Variants in TENM3 observed in about 807,000 individuals in gnomAD.
The protein encoded by TENM3 is teneurin-3.
In TENM3, 63 loss-of-function variants were observed where a neutral mutation model predicts 255.1. The observed-to-expected ratio is 0.25, with a 90% CI of 0.20 to 0.30. The LOEUF (loss-of-function observed/expected upper bound fraction) is 0.30. TENM3 is among the 10% of genes least tolerant of loss of function. TENM3 has a pLI of 1.00. For synonymous variants in TENM3, 1,306 were observed against 1,322.3 expected, an observed-to-expected ratio of 0.99 and a Z score of 0.27; for missense variants, 2,929 against 3,461.1, an observed-to-expected ratio of 0.85 and a Z score of 3.86.
At chr4:182,207,540 C>T (rs892404623) in intron 1 of TENM3, among the ~76,000 whole-genome samples, 5 of 152,142 alleles carry the variant, frequency 3.3e-5, no homozygotes, top group Admixed American at 6.6e-5. Context: ...AGCTGATGCT[C>T]CCCCTGCTTT....
chr4:181,720,813 G>T, the TENM3 span, among the ~76,000 whole-genome samples: 1 of 152,146 alleles, frequency 6.6e-6, no homozygotes, highest in East Asian at 1.9e-4. Context: ...GAAAAAAAAT[G>T]AGGTCGGACC....
At chr4:182,376,127 A>T (rs901895523) in intron 3 of TENM3, among the ~76,000 whole-genome samples, 1 of 152,182 alleles carries the variant, frequency 6.6e-6, no homozygotes, top group Non-Finnish European at 1.5e-5. Context: ...TTATACACAT[A>T]ATTTATGTTA....
chr4:182,509,738 G>A (rs1258341653), intron 3 of TENM3, among the ~76,000 whole-genome samples: 1 of 152,092 alleles, frequency 6.6e-6, no homozygotes, highest in East Asian at 1.9e-4. Context: ...GGGAGTTCAA[G>A]ACCAGCCTGA....
At chr4:181,972,617 C>T in the TENM3 span, among the ~76,000 whole-genome samples, 18 of 152,198 alleles carry the variant, frequency 1.2e-4, no homozygotes, top group East Asian at 3.1e-3. Flanking sequence ...CCTAAAAATT[C>T]TCCAAGTCAC....
chr4:181,836,338 C>T, the TENM3 span, among the ~76,000 whole-genome samples: 1 of 152,160 alleles, frequency 6.6e-6, no homozygotes, highest in African/African-American at 2.4e-5. Context: ...CATATACAGA[C>T]ACCACTCTCC....
the TENM3 span, among the ~76,000 whole-genome samples, chr4:181,532,000 G>C: frequency 4.6e-5 from 7 of 152,316 alleles, no homozygotes; most frequent in South Asian, 2.1e-4. Flanking sequence ...GTGGGAGTTG[G>C]CTAGCTGATT....
chr4:182,211,591 A>G (rs115261359), intron 1 of TENM3, among the ~76,000 whole-genome samples: 113 of 152,312 alleles, frequency 7.4e-4, no homozygotes, highest in Non-Finnish European at 1.4e-3. Context: ...AATCAAATCT[A>G]TCACCACCTA....
rs144639704 is a variant in TENM3, at chr4:182,425,932, C to T, written c.511+79003C>T. Among the ~76,000 whole-genome samples the T allele has an allele frequency of 5.7e-3, 829 of 145,048 alleles. 13 individuals are homozygous for T. The highest frequency in any genetic ancestry group is 0.02 in the African/African-American group (790 of 39,044). On this transcript the variant is annotated intron_variant, in intron 3 of 27. Transcript: ENST00000511685. ...CTGAGGCAGGAGAATCACTTGAACC[C>T]GGGAAGTGGAGGTTGCAGTGAGCTG...
chr4:182,228,142 A>G (rs1463811480), intron 1 of TENM3, among the ~76,000 whole-genome samples: 1 of 151,704 alleles, frequency 6.6e-6, no homozygotes, highest in Admixed American at 6.6e-5. Flanking sequence ...TAGGATGAAC[A>G]CTCTTGAGAT....
the TENM3 span, among the ~76,000 whole-genome samples, chr4:181,844,131 C>T: frequency 8.5e-5 from 13 of 152,078 alleles, no homozygotes; most frequent in Non-Finnish European, 1.2e-4. Context: ...TTGGAGCCCA[C>T]TGCCATGGTA....
the TENM3 span, among the ~76,000 whole-genome samples, chr4:181,831,056 T>A: frequency 6.6e-6 from 1 of 152,162 alleles, no homozygotes; most frequent in African/African-American, 2.4e-5. Context: ...CCCAAAAAAC[T>A]GGTTTTTCAT....
At chr4:181,751,289 G>A in the TENM3 span, among the ~76,000 whole-genome samples, 1 of 151,846 alleles carries the variant, frequency 6.6e-6, no homozygotes, top group Admixed American at 6.6e-5. Flanking sequence ...GAAGAGTCCA[G>A]TCTTTTAACT....
At chr4:181,622,153 GA>G in the TENM3 span, among the ~76,000 whole-genome samples, 1 of 152,126 alleles carries the variant, frequency 6.6e-6, no homozygotes, top group Non-Finnish European at 1.5e-5. Flanking sequence ...AGTCAGTCCT[GA>G]GATGTCCTAC....
At chr4:181,839,370 TATATATATATATATAC>T in the TENM3 span, among the ~76,000 whole-genome samples, 29,487 of 98,452 alleles carry the variant, frequency 0.3, 4,708 homozygotes, top group Non-Finnish European at 0.37. Context: ...TATATATATA[TATATATATATATATAC>T]ACCTATATAC....
the TENM3 span, among the ~76,000 whole-genome samples, chr4:182,088,109 TAC>T: frequency 6.6e-6 from 1 of 152,224 alleles, no homozygotes; most frequent in Non-Finnish European, 1.5e-5. Context: ...TTTATACATA[TAC>T]ACACACGTTT....
chr4:182,696,284 C>T (rs1028295899), intron 12 of TENM3, among the ~76,000 whole-genome samples: 3 of 152,056 alleles, frequency 2.0e-5, no homozygotes, highest in African/African-American at 4.8e-5. Context: ...AGTAAACTAT[C>T]GCATAGAATA....
At chr4:182,748,103 G>A (rs948018383) in intron 19 of TENM3, among the ~76,000 whole-genome samples, 1 of 152,210 alleles carries the variant, frequency 6.6e-6, no homozygotes, top group Non-Finnish European at 1.5e-5. Flanking sequence ...CACTGGATCT[G>A]TGTCTAATTG....
intron 3 of TENM3, among the ~76,000 whole-genome samples, chr4:182,540,888 A>C (rs1740820489): frequency 1.3e-5 from 2 of 152,216 alleles, no homozygotes; most frequent in Admixed American, 6.5e-5. Flanking sequence ...GATTTCCCTG[A>C]GGAATCAGTG....
At chr4:181,685,031 T>C in the TENM3 span, among the ~76,000 whole-genome samples, 1 of 149,794 alleles carries the variant, frequency 6.7e-6, no homozygotes, top group African/African-American at 2.5e-5. Flanking sequence ...CCCAAAGTGC[T>C]GGAATTACAG....
Sources: gnomAD v4.1 joint callset for allele counts (sites outside exome capture counted in the v4.1 genomes callset) on GRCh38, gnomAD v4.1.1 for gene constraint, MANE v1.5 for transcripts, NCBI Gene and HGNC (gene_info 2026-07-23, HGNC 2026-07-21) for gene names.